Variants in RPAP2 observed in about 807,000 individuals in gnomAD.
RPAP2 encodes putative RNA polymerase II subunit B1 CTD phosphatase RPAP2.
In RPAP2, 52 loss-of-function variants were observed where a neutral mutation model predicts 73.1. The ratio of observed to expected loss-of-function variants is 0.71; its 90% CI spans 0.57 to 0.90. RPAP2 has a LOEUF of 0.90. Ranked by LOEUF, RPAP2 falls within the 40% of genes least tolerant of loss-of-function variation. RPAP2 has a pLI of 0.00. For synonymous variants in RPAP2, 225 were observed against 242.1 expected (o/e 0.93, Z 0.65); for missense variants, 598 against 701.8 (o/e 0.85, Z 1.67).
intron 6 of RPAP2, among the ~76,000 whole-genome samples, chr1:92,310,494 T>C (rs1438967651): frequency 6.6e-6 from 1 of 152,228 alleles, no homozygotes; most frequent in Admixed American, 6.5e-5. Context: ...TTTTAAATGG[T>C]GGCATGTAGT....
chr1:92,377,966 C>G (rs1005519607), intron 11 of RPAP2, among the ~76,000 whole-genome samples: 12 of 152,218 alleles, frequency 7.9e-5, no homozygotes, highest in Middle Eastern at 3.4e-3. Flanking sequence ...TGTAATAACT[C>G]TTTACATTTG....
chr1:92,308,123 G>A lies in RPAP2; in HGVS notation c.488+847G>A, dbSNP rs377141934. On this transcript the variant is annotated intron_variant, in intron 6 of 12. Transcript: ENST00000610020. ...TGAAGTCTTTTCTGATGCGTAAGGC[G>A]ATGTAACACCACTCTCAATTCAAAT... is the stretch of plus-strand genomic sequence containing the variant. 5.7e-4 allele frequency among the ~76,000 whole-genome samples: 86 copies of A among 151,820 alleles called. 1 individual carries two copies. The highest frequency in any genetic ancestry group is 2.0e-3 in the African/African-American group (81 of 41,436).
intron 8 of RPAP2, among the ~76,000 whole-genome samples, chr1:92,331,200 CCTTT>C (rs1351845113): frequency 6.6e-6 from 1 of 152,092 alleles, no homozygotes; most frequent in Non-Finnish European, 1.5e-5. Flanking sequence ...TATGGAGCAA[CCTTT>C]CTATTTGCTT....
At chr1:92,307,139 G>A in intron 5 of RPAP2, 49 bp from the exon 6 acceptor site, 1 of 1,251,404 alleles carries the variant, frequency 8.0e-7, no homozygotes, top group South Asian at 1.3e-5. Context: ...CTGTATGTAG[G>A]TAATGTTTCA....
intron 6 of RPAP2, among the ~76,000 whole-genome samples, chr1:92,313,085 T>C (rs1443761547): frequency 6.6e-6 from 1 of 152,222 alleles, no homozygotes; most frequent in African/African-American, 2.4e-5. Context: ...CAGGCTGGTC[T>C]CGAACTCCTG....
At chr1:92,358,668 G>A (rs1654598827) in intron 11 of RPAP2, among the ~76,000 whole-genome samples, 1 of 151,922 alleles carries the variant, frequency 6.6e-6, no homozygotes, top group South Asian at 2.1e-4. Context: ...GCTCACTAAA[G>A]CCTTAATCTC....
intron 6 of RPAP2, among the ~76,000 whole-genome samples, chr1:92,317,895 G>A (rs191455355): frequency 2.0e-5 from 3 of 152,092 alleles, no homozygotes; most frequent in African/African-American, 7.2e-5. Context: ...ATTACCATTT[G>A]ATTGAGCTAC....
chr1:92,359,681 G>C (rs1476188309), intron 11 of RPAP2, among the ~76,000 whole-genome samples: 1 of 152,212 alleles, frequency 6.6e-6, no homozygotes, highest in East Asian at 1.9e-4. Flanking sequence ...TTAAGATTTA[G>C]GCAGATTATC....
Position 92,345,920 on chromosome 1 carries a change from T to A in RPAP2, c.1688+6T>A. 6.3e-7 allele frequency: 1 copy of A among 1,582,184 alleles called. No homozygotes were observed. The highest frequency in any genetic ancestry group is 1.1e-5 in the South Asian group (1 of 89,638). Reference sequence around the variant, plus strand: ...GCTATGGTGTTGCTGTCATTGTAAGTACTCTCTCAGATTTTAACTCTAAAT... The same window carrying A: ...GCTATGGTGTTGCTGTCATTGTAAGAACTCTCTCAGATTTTAACTCTAAAT... On this transcript the variant is annotated splice_donor_region_variant and intron_variant, in intron 11 of 12. Transcript: ENST00000610020.
chr1:92,335,314 C>T (rs6680711), intron 9 of RPAP2, among the ~76,000 whole-genome samples: 152,056 of 152,336 alleles, frequency 1, 75,891 homozygotes, highest in Non-Finnish European at 1. Flanking sequence ...AATAGATATA[C>T]GGGATTATTA....
chr1:92,331,812 TCTTAGTATCAGTTGA>T (rs1652987621), intron 8 of RPAP2, among the ~76,000 whole-genome samples: 1 of 152,192 alleles, frequency 6.6e-6, no homozygotes, highest in African/African-American at 2.4e-5. Flanking sequence ...AATATACTTC[TCTTAGTATCAGTTGA>T]TAAAGAATTT....
At chr1:92,344,566 T>C (rs1653777620) in intron 10 of RPAP2, among the ~76,000 whole-genome samples, 1 of 152,246 alleles carries the variant, frequency 6.6e-6, no homozygotes, top group Non-Finnish European at 1.5e-5. Context: ...AACCCATTTT[T>C]TTAACACACA....
chr1:92,355,671 G>A (rs1654427039), intron 11 of RPAP2, among the ~76,000 whole-genome samples: 1 of 152,134 alleles, frequency 6.6e-6, no homozygotes, highest in Admixed American at 6.5e-5. Context: ...GCAGACTTTA[G>A]TTGACATTAT....
chr1:92,301,797 AGTAC>A (rs1159640601), intron 3 of RPAP2, among the ~76,000 whole-genome samples: 2 of 152,236 alleles, frequency 1.3e-5, no homozygotes, highest in East Asian at 3.8e-4. Context: ...ATGAAAAATA[AGTAC>A]GTAACAAGGT....
intron 6 of RPAP2, among the ~76,000 whole-genome samples, chr1:92,316,663 ACTAT>A (rs1447531737): frequency 6.6e-6 from 1 of 152,226 alleles, no homozygotes; most frequent in Non-Finnish European, 1.5e-5. Context: ...AGCTTTCACA[ACTAT>A]CTTCAGGACA....
rs1014840400 is a variant in RPAP2, at chr1:92,389,466, A to G, written c.*2455A>G. ...CAGACCAGAAAGGCTGAAAATTCCA[A>G]AAACCAGAATGCCTCTTCTCCTCCA... is the stretch of plus-strand genomic sequence containing the variant. On this transcript the variant is annotated 3_prime_UTR_variant, in exon 13 of 13. Coordinates refer to ENST00000610020, the MANE Select transcript of RPAP2 (RefSeq NM_024813.3). The G allele has an allele frequency of 1.3e-5, 2 of 152,236 alleles. No individual in the cohort carries two copies. The highest frequency in any genetic ancestry group is 3.8e-4 in the East Asian group (2 of 5,204). The allele number at this position is 152,236 out of a possible 1,614,324, so 9.4% of individuals were successfully genotyped here. A position where few individuals can be genotyped will look rare whatever the true frequency, so the allele number is the denominator to read the frequency against.
At chr1:92,330,105 G>A (rs563658369) in intron 8 of RPAP2, among the ~76,000 whole-genome samples, 13 of 152,256 alleles carry the variant, frequency 8.5e-5, no homozygotes, top group Admixed American at 3.3e-4. Flanking sequence ...CTTCTGCACC[G>A]TCCAGTTTCT....
At chr1:92,361,251 T>TAGTA (rs2101384926) in intron 11 of RPAP2, among the ~76,000 whole-genome samples, 1 of 152,152 alleles carries the variant, frequency 6.6e-6, no homozygotes, top group South Asian at 2.1e-4. Flanking sequence ...AAGATACCTA[T>TAGTA]AGTAAGTGAG....
intron 6 of RPAP2, among the ~76,000 whole-genome samples, 198 bp downstream of exon 6, chr1:92,307,474 T>A (rs1651317477): frequency 6.6e-6 from 1 of 152,202 alleles, no homozygotes; most frequent in Non-Finnish European, 1.5e-5. Context: ...CATACAAATG[T>A]TATTTGTTTG....
Sources: allele counts gnomAD v4.1 joint callset (sites outside exome capture counted in the v4.1 genomes callset), GRCh38; gene constraint gnomAD v4.1.1; transcripts MANE v1.5; gene names NCBI Gene and HGNC (gene_info 2026-07-23, HGNC 2026-07-21).